Variants in FAM117B observed in about 807,000 individuals in gnomAD.
The protein encoded by FAM117B is family with sequence similarity 117 member B.
Under a neutral mutation model 52.8 loss-of-function variants are expected in FAM117B, and 22 were observed. That is an observed-to-expected ratio of 0.42 (90% CI 0.30 to 0.59). The LOEUF is 0.59. Among genes scored for constraint, FAM117B ranks in the 20% least tolerant of loss-of-function variants. The probability of loss-of-function intolerance (pLI) is 0.22; values close to 1 mark genes in which losing one functional copy is unlikely to be tolerated. For synonymous variants in FAM117B, 309 were observed against 324.1 expected (o/e 0.95, Z 0.50); for missense variants, 678 against 802.6 (o/e 0.84, Z 1.88).
chr2:202,648,361 A>C (rs1170628207), intron 1 of FAM117B, among the ~76,000 whole-genome samples: 4 of 151,958 alleles, frequency 2.6e-5, no homozygotes, highest in Non-Finnish European at 5.9e-5. Flanking sequence ...ATACAGAAAA[A>C]AATTAGCCGA....
At chr2:202,760,021 A>C (rs1691860696) in intron 7 of FAM117B, among the ~76,000 whole-genome samples, 1 of 152,204 alleles carries the variant, frequency 6.6e-6, no homozygotes, top group Non-Finnish European at 1.5e-5. Flanking sequence ...ATTTTTAAGT[A>C]AGCTGAAAGA....
At chr2:202,718,492 A>G (rs1691094789) in intron 2 of FAM117B, among the ~76,000 whole-genome samples, 1 of 152,166 alleles carries the variant, frequency 6.6e-6, no homozygotes, top group African/African-American at 2.4e-5. Context: ...TTAATGTGGC[A>G]TATTATATCA....
chr2:202,725,147 C>T (rs554799442), intron 3 of FAM117B, 138 bp downstream of exon 3: 1 of 529,518 alleles, frequency 1.9e-6, no homozygotes, highest in South Asian at 3.6e-5. Context: ...ATAACAAAAA[C>T]AATTATTGTG....
At position 202,719,540 on chromosome 2, in the gene FAM117B, TC is replaced by T. The variant is rs1321477792; in HGVS notation, c.754-5376del. ...GTACAATTATGTTATAATTTGCTAATCGTTAGTAAGTTGCAGACATTCTAAC... is the reference window on the plus strand; with the variant it reads ...GTACAATTATGTTATAATTTGCTAATGTTAGTAAGTTGCAGACATTCTAAC... On this transcript the variant is annotated intron_variant, in intron 2 of 7. Transcript: ENST00000392238. Among the ~76,000 whole-genome samples, 3 of 152,206 alleles carry T rather than the reference TC, an allele frequency of 2.0e-5. No individual in the cohort carries two copies. The East Asian group carries it at 5.8e-4, about 29-fold the overall frequency.
chr2:202,653,879 C>T (rs1690011919), intron 1 of FAM117B, among the ~76,000 whole-genome samples: 1 of 152,108 alleles, frequency 6.6e-6, no homozygotes, highest in Non-Finnish European at 1.5e-5. Context: ...CAGGTTCTCT[C>T]TTGCATTTCA....
chr2:202,708,394 G>A lies in FAM117B; in HGVS notation c.753+12362G>A, dbSNP rs563872049. Among the ~76,000 whole-genome samples, 7 of 152,224 alleles carry A rather than the reference G, an allele frequency of 4.6e-5. No individual in the cohort carries two copies. The East Asian group carries it at 1.2e-3, about 25-fold the overall frequency. ...TTCATCCATATTATCATATACTGCA[G>A]AATTTCTTTTTTTTTAAGACTGAAT... On this transcript the variant is annotated intron_variant, in intron 2 of 7. Transcript: ENST00000392238.
At chr2:202,668,605 G>C (rs1690246663) in intron 1 of FAM117B, among the ~76,000 whole-genome samples, 1 of 143,608 alleles carries the variant, frequency 7.0e-6, no homozygotes, top group South Asian at 2.2e-4. Context: ...GGGCTACAGA[G>C]TGAGATCTTG....
At chr2:202,741,703 A>AT (rs1333735353) in intron 4 of FAM117B, among the ~76,000 whole-genome samples, 4 of 151,618 alleles carry the variant, frequency 2.6e-5, no homozygotes, top group South Asian at 2.1e-4. Context: ...CGCCTGACTG[A>AT]TTTTTTGTAT....
intron 1 of FAM117B, among the ~76,000 whole-genome samples, chr2:202,637,730 G>T (rs1689709886): frequency 2.0e-5 from 3 of 152,092 alleles, no homozygotes; most frequent in African/African-American, 7.2e-5. Flanking sequence ...ACAAGTGGCA[G>T]AGTTGGTATT....
rs1331903646 is a variant in FAM117B at position 202,635,399 on chromosome 2, G to A, written c.212G>A (p.Gly71Asp). ...GGGNNNGGCC[G>D]GASGPAGGGG... ...GGCAACAACAACGGTGGCTGCTGTGGTGGCGCCTCAGGCCCCGCAGGCGGC... is the reference window on the plus strand; with the variant it reads ...GGCAACAACAACGGTGGCTGCTGTGATGGCGCCTCAGGCCCCGCAGGCGGC... Residue 71 changes from glycine to aspartate, a missense_variant, in exon 1 of 8, where the codon GGT becomes GAT. This residue lies in a region of FAM117B where 583 missense variants were observed against 644.8 expected (regional missense o/e 0.90). Coordinates refer to ENST00000392238, the MANE Select transcript of FAM117B (RefSeq NM_173511.4). 1.5e-6 allele frequency: 2 copies of A among 1,293,842 alleles called. No homozygotes were observed. Among genetic ancestry groups the A allele is most frequent in the Non-Finnish European group, 1.9e-6 (2 of 1,026,646 alleles). The allele number at this position is 1,293,842 out of a possible 1,614,324, so 80.1% of individuals were successfully genotyped here. A position where few individuals can be genotyped will look rare whatever the true frequency, so the allele number is the denominator to read the frequency against.
At chr2:202,691,655 G>GTGTGTGTA (rs1553520251) in intron 1 of FAM117B, among the ~76,000 whole-genome samples, 2 of 89,432 alleles carry the variant, frequency 2.2e-5, no homozygotes, top group African/African-American at 4.3e-5. Context: ...TACATTGTGT[G>GTGTGTGTA]TGTGTGTGTG....
chr2:202,759,482 C>T (rs1691850591), intron 7 of FAM117B, 129 bp downstream of exon 7: 1 of 1,220,736 alleles, frequency 8.2e-7, no homozygotes, highest in South Asian at 1.8e-5. Flanking sequence ...ACCTCTACCT[C>T]CTTAGCTCAA....
intron 2 of FAM117B, among the ~76,000 whole-genome samples, chr2:202,697,827 G>T (rs1002133395): frequency 9.9e-5 from 15 of 151,876 alleles, no homozygotes; most frequent in African/African-American, 3.6e-4. Context: ...TGGGATTACA[G>T]GTGTGAGCCA....
At chr2:202,683,567 G>A (rs1289392828) in intron 1 of FAM117B, among the ~76,000 whole-genome samples, 1 of 152,158 alleles carries the variant, frequency 6.6e-6, no homozygotes, top group African/African-American at 2.4e-5. Context: ...TCAACAAGAT[G>A]AAATGGACAA....
intron 4 of FAM117B, among the ~76,000 whole-genome samples, chr2:202,729,806 TAGC>T (rs1203464429): frequency 3.9e-5 from 6 of 152,134 alleles, no homozygotes; most frequent in African/African-American, 1.4e-4. Context: ...GAGAGGTAAA[TAGC>T]AGCCAAACCT....
At position 202,654,153 on chromosome 2, in the gene FAM117B, T is replaced by C. The variant is rs570944438; in HGVS notation, c.601+18365T>C. Among the ~76,000 whole-genome samples the C allele has an allele frequency of 1.4e-5, 2 of 147,048 alleles. 1 individual carries two copies. The highest frequency in any genetic ancestry group is 5.4e-5 in the African/African-American group (2 of 37,042). ...GAAGACTTACTAACTTGATTCTGAT[T>C]GAAAAGAAAGACAGTAATATTAAAT... is the stretch of plus-strand genomic sequence containing the variant. On this transcript the variant is annotated intron_variant, in intron 1 of 7. Transcript: ENST00000392238.
chr2:202,673,402 A>AAAGGCT (rs1040856653), intron 1 of FAM117B, among the ~76,000 whole-genome samples: 2 of 144,678 alleles, frequency 1.4e-5, no homozygotes, highest in Admixed American at 1.4e-4. Flanking sequence ...GTGATGAATT[A>AAAGGCT]AAGGCTAGCC....
chr2:202,728,205 T>A (rs897241749), intron 4 of FAM117B, among the ~76,000 whole-genome samples: 2 of 152,160 alleles, frequency 1.3e-5, no homozygotes, highest in Non-Finnish European at 2.9e-5. Context: ...CCCAAGCTGG[T>A]CACTAACTCC....
At chr2:202,639,830 A>G (rs1391367316) in intron 1 of FAM117B, among the ~76,000 whole-genome samples, 1 of 152,214 alleles carries the variant, frequency 6.6e-6, no homozygotes, top group Admixed American at 6.5e-5. Flanking sequence ...TGTATTTAAC[A>G]TAAATTACCA....
Sources: allele counts gnomAD v4.1 joint callset (sites outside exome capture counted in the v4.1 genomes callset), GRCh38; gene constraint gnomAD v4.1.1; regional missense constraint gnomAD v4.1.1; transcripts MANE v1.5; gene names NCBI Gene and HGNC (gene_info 2026-07-23, HGNC 2026-07-21).